Variants in TRAPPC6A observed in about 807,000 individuals in gnomAD.
TRAPPC6A encodes the protein trafficking protein particle complex subunit 6A.
Under a neutral mutation model 20.8 loss-of-function variants are expected in TRAPPC6A, and 25 were observed. That is an observed-to-expected ratio of 1.20 (90% CI 0.88 to 1.68). The LOEUF (loss-of-function observed/expected upper bound fraction) is 1.68. Among genes scored for constraint, TRAPPC6A ranks in the 40% most tolerant of loss-of-function variants. The pLI is 0.00. For missense variants in TRAPPC6A, 215 were observed against 211.6 expected (o/e 1.02, Z -0.10); for synonymous variants, 96 against 93.3 (o/e 1.03, Z -0.16).
At chr19:45,166,456 G>T (rs939796344) in intron 1 of TRAPPC6A, among the ~76,000 whole-genome samples, 1 of 151,486 alleles carries the variant, frequency 6.6e-6, no homozygotes, top group African/African-American at 2.4e-5. Flanking sequence ...TGATCCGCCC[G>T]CCTTGGCCTC....
In TRAPPC6A at chr19:45,165,153, G is replaced by A; in HGVS notation, c.126C>T (p.Phe42=). The change falls in exon 2 of 6, where the codon TTC becomes TTT. Residue 42 remains phenylalanine, a synonymous_variant. Transcript: ENST00000585934. ...MSLSVLEGMG[F]RVGQALGERL... The stretch of plus-strand genomic sequence containing the variant: ...TCTCGCCTAGAGCCTGGCCCACACG[G>A]AACCCCATACCCTCCAGGACCGACA... 6.2e-7 allele frequency: 1 copy of A among 1,610,676 alleles called. No individual in the cohort carries two copies. The highest frequency in any genetic ancestry group is 2.2e-5 in the East Asian group (1 of 44,472).
chr19:45,176,095 C>T lies in TRAPPC6A; in HGVS notation c.84+2040G>A, dbSNP rs535946286. Reference sequence around the variant, plus strand: ...GCAGCCTTGAACTCCTGGGCCCAGGCAATCCTCCCACCTCAGCCTCCCGAG... The same window carrying T: ...GCAGCCTTGAACTCCTGGGCCCAGGTAATCCTCCCACCTCAGCCTCCCGAG... On this transcript the variant is annotated intron_variant, in intron 1 of 5. Transcript: ENST00000585934. Among the ~76,000 whole-genome samples, 335 of 152,084 alleles carry T rather than the reference C, an allele frequency of 2.2e-3. 1 individual carries two copies. The highest frequency in any genetic ancestry group is 7.8e-3 in the African/African-American group (323 of 41,482).
chr19:45,177,969 C>A, intron 1 of TRAPPC6A, 166 bp downstream of exon 1: 1 of 1,305,028 alleles, frequency 7.7e-7, no homozygotes, highest in Non-Finnish European at 1.0e-6. Flanking sequence ...CCCGAGCCGG[C>A]ACCGTCGCGA....
At chr19:45,167,888 C>T (rs1969189818) in intron 1 of TRAPPC6A, among the ~76,000 whole-genome samples, 1 of 151,742 alleles carries the variant, frequency 6.6e-6, no homozygotes, top group Non-Finnish European at 1.5e-5. Context: ...GTCCCAGCTA[C>T]TTGGGAAGCT....
At chr19:45,168,759 TAAG>T (rs1969211868) in intron 1 of TRAPPC6A, among the ~76,000 whole-genome samples, 1 of 152,132 alleles carries the variant, frequency 6.6e-6, no homozygotes, top group African/African-American at 2.4e-5. Flanking sequence ...GCTCTGAGGT[TAAG>T]AAGAACCCAT....
intron 1 of TRAPPC6A, among the ~76,000 whole-genome samples, chr19:45,169,742 G>A (rs904202768): frequency 1.3e-5 from 2 of 152,180 alleles, no homozygotes; most frequent in Non-Finnish European, 2.9e-5. Context: ...TGCGGCTCCC[G>A]TGTCACCTCC....
chr19:45,176,055 T>C (rs1432684782), intron 1 of TRAPPC6A, among the ~76,000 whole-genome samples: 2 of 152,070 alleles, frequency 1.3e-5, no homozygotes, highest in Non-Finnish European at 2.9e-5. Flanking sequence ...TGCAGTGGCA[T>C]GATCATAGCT....
intron 1 of TRAPPC6A, among the ~76,000 whole-genome samples, chr19:45,166,581 G>C (rs1969158000): frequency 6.6e-6 from 1 of 151,690 alleles, no homozygotes; most frequent in South Asian, 2.1e-4. Context: ...GCCCAGACTG[G>C]GGGGCACCAG....
In TRAPPC6A at chr19:45,164,224, G is replaced by A. The variant is rs948466269; in HGVS notation, c.294C>T (p.Asn98=). 14 of 1,608,592 alleles carry A rather than the reference G, an allele frequency of 8.7e-6. No individual in the cohort carries two copies. Among genetic ancestry groups the A allele is most frequent in the African/African-American group, 1.3e-5 (1 of 74,788 alleles). The part of the protein sequence containing the change: ...NHQGTYVLQD[N]SFPLLLPMAS... ...CCATCGGGAGGAGGAGGGGGAAGCT[G>A]TTGTCTTGCAGGACGTAGGTCCCCT... The change falls in exon 4 of 6, where the codon AAC becomes AAT. Residue 98 remains asparagine (N), a synonymous_variant. Coordinates refer to ENST00000585934, the MANE Select transcript of TRAPPC6A (RefSeq NM_001270891.2).
At chr19:45,177,247 C>T (rs112034784) in intron 1 of TRAPPC6A, among the ~76,000 whole-genome samples, 13,283 of 152,112 alleles carry the variant, frequency 0.087, 846 homozygotes, top group Non-Finnish European at 0.13. Context: ...GTAGTTCACG[C>T]CTGTAATCCT....
rs139656036 is a variant in TRAPPC6A, at chr19:45,170,906, G to A, written c.85-5712C>T. ...GAGGCAGGGAAGAAAGGGCGGAGGA[G>A]GAAGGGAGAAGCCTCCACCCACCTC... is the stretch of plus-strand genomic sequence containing the variant. On this transcript the variant is annotated intron_variant, in intron 1 of 5. Transcript: ENST00000585934. 1.1e-4 allele frequency among the ~76,000 whole-genome samples: 17 copies of A among 152,374 alleles called. No individual in the cohort carries two copies. In the East Asian group the frequency reaches 2.9e-3, roughly 26 times the overall value.
intron 1 of TRAPPC6A, among the ~76,000 whole-genome samples, chr19:45,177,091 G>A (rs1969397676): frequency 6.6e-6 from 1 of 152,198 alleles, no homozygotes; most frequent in African/African-American, 2.4e-5. Context: ...GCTGAGAAGT[G>A]GGATGATCGC....
chr19:45,166,353 T>G (rs569497076), intron 1 of TRAPPC6A, among the ~76,000 whole-genome samples: 11 of 151,640 alleles, frequency 7.3e-5, no homozygotes, highest in Non-Finnish European at 1.5e-4. Context: ...ATTACAGGCC[T>G]GTGTGCCACC....
At chr19:45,170,180 G>C (rs1969240319) in intron 1 of TRAPPC6A, among the ~76,000 whole-genome samples, 1 of 152,230 alleles carries the variant, frequency 6.6e-6, no homozygotes, top group South Asian at 2.1e-4. Flanking sequence ...ATTTTCCCCT[G>C]CAGGCAAGTG....
At chr19:45,165,001 G>C in intron 2 of TRAPPC6A, 31 bp from the exon 3 acceptor site, 1 of 1,612,222 alleles carries the variant, frequency 6.2e-7, no homozygotes, top group African/African-American at 1.3e-5. Flanking sequence ...TGAGGCCGTG[G>C]GGCCAGGCCA....
intron 1 of TRAPPC6A, among the ~76,000 whole-genome samples, chr19:45,166,597 C>G (rs543655729): frequency 8.6e-5 from 13 of 151,802 alleles, no homozygotes; most frequent in Non-Finnish European, 1.6e-4. Context: ...ACCAGAAATC[C>G]CAGGACGGCT....
At chr19:45,168,205 A>G (rs944454155) in intron 1 of TRAPPC6A, among the ~76,000 whole-genome samples, 5 of 151,382 alleles carry the variant, frequency 3.3e-5, no homozygotes, top group East Asian at 2.0e-4. Flanking sequence ...GGGTTTCACC[A>G]TGTTAGCCAG....
intron 1 of TRAPPC6A, among the ~76,000 whole-genome samples, chr19:45,167,977 A>G (rs1465868014): frequency 6.6e-6 from 1 of 150,798 alleles, no homozygotes; most frequent in Non-Finnish European, 1.5e-5. Flanking sequence ...CAGCCCAGGC[A>G]ACAGCAAGAC....
intron 1 of TRAPPC6A, 123 bp downstream of exon 1, chr19:45,178,012 G>A (rs752331547): frequency 6.5e-7 from 1 of 1,527,588 alleles, no homozygotes; most frequent in Non-Finnish European, 8.8e-7. Flanking sequence ...GCCAGGGCCA[G>A]ACGTTGCCCT....
Sources: gnomAD v4.1 joint callset for allele counts (sites outside exome capture counted in the v4.1 genomes callset) on GRCh38, gnomAD v4.1.1 for gene constraint, MANE v1.5 for transcripts, NCBI Gene and HGNC (gene_info 2026-07-23, HGNC 2026-07-21) for gene names.